The following DUSP8 variants were observed in gnomAD, a reference collection of about 807,000 sequenced individuals.
The protein encoded by DUSP8 is dual specificity phosphatase 8, also known as dual specificity protein phosphatase 8.
In DUSP8, 15 loss-of-function variants were observed where a neutral mutation model predicts 38.7. The ratio of observed to expected loss-of-function variants is 0.39; its 90% CI spans 0.26 to 0.60. The LOEUF (loss-of-function observed/expected upper bound fraction) is 0.60, where lower values mean the gene tolerates loss of function less well. Ranked by LOEUF, DUSP8 falls within the 20% of genes least tolerant of loss-of-function variation. The pLI is 0.56. For missense variants in DUSP8, 768 were observed against 915.0 expected (o/e 0.84, Z 2.07); for synonymous variants, 458 against 433.9 (o/e 1.06, Z -0.69).
Position 1,557,966 on chromosome 11 carries a change from T to C in DUSP8, c.698-49A>G, listed in dbSNP as rs1438393930. On this transcript the variant is annotated intron_variant, in intron 5 of 6. Coordinates refer to ENST00000397374, the MANE Select transcript of DUSP8 (RefSeq NM_004420.3). This position sits in a 1 kb window ranked among gnomAD's most constrained non-coding sequence, Gnocchi z 9.9. ...CAGGTGAGGGCTAAGACTGCACAGC[T>C]TCTCCCTGGCCCAGGTAGGGGACCC... The C allele has an allele frequency of 1.9e-6, 3 of 1,612,450 alleles. No individual in the cohort carries two copies. Among genetic ancestry groups the C allele is most frequent in the East Asian group, 2.2e-5 (1 of 44,848 alleles).
chr11:1,559,282 T>G, intron 3 of DUSP8: 1 of 481,446 alleles, frequency 2.1e-6, no homozygotes. Context: ...TACGCCCACA[T>G]TCCTCCTCAT....
upstream of DUSP8, chr11:1,572,758 T>G (rs1260811503): frequency 6.6e-6 from 1 of 151,946 alleles, no homozygotes; most frequent in Non-Finnish European, 1.5e-5. The surrounding 1 kb of genome is among the most constrained non-coding windows in gnomAD (Gnocchi z 4.7). Context: ...GGCGCGGCGT[T>G]TTACCTGCAG....
intron 1 of DUSP8, among the ~76,000 whole-genome samples, chr11:1,569,519 C>G (rs1487350399): frequency 6.6e-6 from 1 of 152,138 alleles, no homozygotes; most frequent in Admixed American, 6.5e-5. Flanking sequence ...AGTACACGCA[C>G]GTCCTTGCCC....
In DUSP8 at chr11:1,557,024, G is replaced by A. The variant is rs1848639911; in HGVS notation, c.1372C>T (p.Arg458Trp). ...CGCGCGGGGGAGCCGGCGGGGGGCCGGGGCCGCCGGCGGGGCCGTGGGCGC... is the reference window on the plus strand; with the variant it reads ...CGCGCGGGGGAGCCGGCGGGGGGCCAGGGCCGCCGGCGGGGCCGTGGGCGC... ...EARPRPRRRP[R>W]PPAGSPARSP... The change falls in exon 7 of 7, where the codon CGG (arginine) becomes TGG (tryptophan). Residue 458 changes from arginine to tryptophan, a missense_variant. By Grantham distance (101) the Arg-to-Trp change is moderately radical (BLOSUM62 -3). Transcript: ENST00000397374. The surrounding 1 kb of genome is among the most constrained non-coding windows in gnomAD (Gnocchi z 9.9). 5 of 1,043,158 alleles carry A rather than the reference G, an allele frequency of 4.8e-6. No homozygotes were observed. The highest frequency in any genetic ancestry group is 3.4e-5 in the African/African-American group (2 of 57,976). The allele number at this position is 1,043,158 out of a possible 1,614,324, so 64.6% of individuals were successfully genotyped here. A position where few individuals can be genotyped will look rare whatever the true frequency, so the allele number is the denominator to read the frequency against.
rs1397034259 is a variant in DUSP8, at chr11:1,557,324, G to T, written c.1072C>A (p.Pro358Thr). The T allele has an allele frequency of 3.3e-6, 5 of 1,500,052 alleles. No homozygotes were observed. The highest frequency in any genetic ancestry group is 2.9e-5 in the African/African-American group (2 of 68,372). The allele number at this position is 1,500,052 out of a possible 1,614,324, so 92.9% of individuals were successfully genotyped here. The change falls in exon 7 of 7, where the codon CCC becomes ACC. Residue 358 changes from proline to threonine, a missense_variant. Around this residue, in one of 3 missense-constraint regions of DUSP8, gnomAD observed 474 missense variants for 430.8 expected, o/e 1.10. Transcript: ENST00000397374. The surrounding 1 kb of genome is among the most constrained non-coding windows in gnomAD (Gnocchi z 9.9). Reference protein sequence around the residue: ...REGGLSAGGEPPAPPTPPATS... With the variant: ...REGGLSAGGETPAPPTPPATS... ...GCCGGGGGCGTGGGGGGCGCGGGGGGCTCCCCGCCCGCGCTCAGGCCGCCC... is the reference window on the plus strand; with the variant it reads ...GCCGGGGGCGTGGGGGGCGCGGGGGTCTCCCCGCCCGCGCTCAGGCCGCCC...
rs1848634406 is a variant in DUSP8 at position 1,556,871 on chromosome 11, C to G, written c.1525G>C (p.Ala509Pro). 8.9e-7 allele frequency: 1 copy of G among 1,119,702 alleles called. No homozygotes were observed. The highest frequency in any genetic ancestry group is 5.0e-5 in the Admixed American group (1 of 19,890). 69.4% of individuals were successfully genotyped at this position (1,119,702 alleles called of 1,614,324 possible). A position where few individuals can be genotyped will look rare whatever the true frequency, so the allele number is the denominator to read the frequency against. ...GTGCCTGGGGAGTCGAGCGGCGGTG[C>G]CCAGGCCCCGGGGCCGGCCGGCTGG... ...PGQPAGPGAW[A>P]PPLDSPGTPS... Residue 509 changes from alanine to proline, a missense_variant, in exon 7 of 7, where the codon GCA becomes CCA. Transcript: ENST00000397374. The surrounding 1 kb of genome is among the most constrained non-coding windows in gnomAD (Gnocchi z 5.2).
At position 1,559,015 on chromosome 11, in the gene DUSP8, G is replaced by A. The variant is rs1231146977; in HGVS notation, c.411C>T (p.Cys137=). The change falls in exon 4 of 7, where the codon TGC becomes TGT. Residue 137 remains cysteine, a synonymous_variant. Coordinates refer to ENST00000397374, the MANE Select transcript of DUSP8 (RefSeq NM_004420.3). ...ATFSSCFPGL[C]EGKPAALLPM... ...GTAGCAGGGCAGCAGGCTTGCCCTC[G>A]CAGAGGCCGGGGAAGCAGGAGGAGA... 21 of 1,610,440 alleles carry A rather than the reference G, an allele frequency of 1.3e-5. No individual in the cohort carries two copies. Among genetic ancestry groups the A allele is most frequent in the African/African-American group, 2.7e-5 (2 of 74,714 alleles).
At position 1,557,080 on chromosome 11, in the gene DUSP8, C is replaced by G; in HGVS notation, c.1316G>C (p.Ser439Thr). The G allele has an allele frequency of 5.5e-6, 7 of 1,273,326 alleles. No individual in the cohort carries two copies. The highest frequency in any genetic ancestry group is 3.5e-5 in the East Asian group (1 of 28,824). 78.9% of individuals were successfully genotyped at this position (1,273,326 alleles called of 1,614,324 possible). Reference protein sequence around the residue: ...SGAALGLSSPSPDSPDAAPEA... With the variant: ...SGAALGLSSPTPDSPDAAPEA... ...AGGCGCGGCGTCCGGGCTGTCCGGG[C>G]TGGGCGAGGACAGGCCCAGCGCGGC... The change falls in exon 7 of 7, where the codon AGC (serine) becomes ACC (threonine). Residue 439 changes from serine to threonine, a missense_variant. Physicochemically the swap from Ser to Thr is moderately conservative, Grantham distance 58. Transcript: ENST00000397374. The surrounding 1 kb of genome is among the most constrained non-coding windows in gnomAD (Gnocchi z 9.9).
At position 1,558,069 on chromosome 11, in the gene DUSP8, T is replaced by G. The variant is rs1408327254; in HGVS notation, c.697+43A>C. 1.9e-6 allele frequency: 3 copies of G among 1,611,486 alleles called. No individual in the cohort carries two copies. The highest frequency in any genetic ancestry group is 2.5e-6 in the Non-Finnish European group (3 of 1,179,688). On this transcript the variant is annotated intron_variant, in intron 5 of 6. Transcript: ENST00000397374. This position sits in a 1 kb window ranked among gnomAD's most constrained non-coding sequence, Gnocchi z 6.3. The stretch of plus-strand genomic sequence containing the variant: ...TCTGTGGCCACACACAGCTCTAGCC[T>G]TCCTCTAGCCAGGTCCCTGCCCTCC...
chr11:1,554,553 G>A lies in DUSP8; in HGVS notation c.*1965C>T. On this transcript the variant is annotated 3_prime_UTR_variant, in exon 7 of 7. Coordinates refer to ENST00000397374, the MANE Select transcript of DUSP8 (RefSeq NM_004420.3). ...CCCCCTGCTGGCTGCTCACTTTGCGGTAACCAGTGCCTCAAGAGTGGGAGC... is the reference window on the plus strand; with the variant it reads ...CCCCCTGCTGGCTGCTCACTTTGCGATAACCAGTGCCTCAAGAGTGGGAGC... The A allele has an allele frequency of 1.7e-5, 13 of 778,208 alleles. No homozygotes were observed. The highest frequency in any genetic ancestry group is 2.0e-5 in the Non-Finnish European group (13 of 638,332). The allele number at this position is 778,208 out of a possible 1,614,324, so 48.2% of individuals were successfully genotyped here.
At position 1,572,206 on chromosome 11, in the gene DUSP8, G is replaced by T. The variant is rs1207895261; in HGVS notation, c.-414C>A. On this transcript the variant is annotated 5_prime_UTR_variant, in exon 1 of 7. Transcript: ENST00000397374. This position sits in a 1 kb window ranked among gnomAD's most constrained non-coding sequence, Gnocchi z 4.7. ...CGGGCTCGGGCTCGGGCTCGGGCTC[G>T]GGCGTCCGGCGTCCGGCGGGGCGTC... Among the ~76,000 whole-genome samples, 1 of 145,332 alleles carries T rather than the reference G, an allele frequency of 6.9e-6. No homozygotes were observed. Among genetic ancestry groups the T allele is most frequent in the Non-Finnish European group, 1.5e-5 (1 of 65,494 alleles).
Position 1,572,186 on chromosome 11 carries a change from TC to T in DUSP8, c.-395del, listed in dbSNP as rs1848914427. Reference sequence around the variant, plus strand: ...CGGGAGGTTCCGGCGCGGCTCGGGCTCGGGCTCGGGCTCGGGCTCGGGCGTC... The same window carrying T: ...CGGGAGGTTCCGGCGCGGCTCGGGCTGGGCTCGGGCTCGGGCTCGGGCGTC... On this transcript the variant is annotated 5_prime_UTR_variant, in exon 1 of 7. Transcript: ENST00000397374. This position sits in a 1 kb window ranked among gnomAD's most constrained non-coding sequence, Gnocchi z 4.7. Among the ~76,000 whole-genome samples, 1 of 142,492 alleles carries T rather than the reference TC, an allele frequency of 7.0e-6. No homozygotes were observed. Among genetic ancestry groups the T allele is most frequent in the Admixed American group, 6.9e-5 (1 of 14,430 alleles). The allele number at this position is 142,492 out of a possible 152,430, so 93.5% of individuals were successfully genotyped here.
chr11:1,566,463 C>G (rs1848806174), intron 1 of DUSP8, among the ~76,000 whole-genome samples: 1 of 152,184 alleles, frequency 6.6e-6, no homozygotes. Context: ...AGCCGATAAT[C>G]CAGCCCCTGG....
chr11:1,555,442 G>A lies in DUSP8; in HGVS notation c.*1076C>T. ...ACCTGCTCACAGAGCCCCTCAGCCT[G>A]CAGGTGCACACCTGAATTCCAAGTT... is the stretch of plus-strand genomic sequence containing the variant. On this transcript the variant is annotated 3_prime_UTR_variant, in exon 7 of 7. Transcript: ENST00000397374. 1.0e-6 allele frequency: 1 copy of A among 986,136 alleles called. No homozygotes were observed. Among genetic ancestry groups the A allele is most frequent in the Non-Finnish European group, 1.2e-6 (1 of 829,870 alleles). The allele number at this position is 986,136 out of a possible 1,614,324, so 61.1% of individuals were successfully genotyped here. A position where few individuals can be genotyped will look rare whatever the true frequency, so the allele number is the denominator to read the frequency against.
chr11:1,556,745 C>T lies in DUSP8; in HGVS notation c.1651G>A (p.Gly551Ser). The change falls in exon 7 of 7, where the codon GGC becomes AGC. Residue 551 changes from glycine to serine, a missense_variant. This residue lies in a region of DUSP8 where 474 missense variants were observed against 430.8 expected (regional missense o/e 1.10). Coordinates refer to ENST00000397374, the MANE Select transcript of DUSP8 (RefSeq NM_004420.3). The surrounding 1 kb of genome is among the most constrained non-coding windows in gnomAD (Gnocchi z 5.2). Reference sequence around the variant, plus strand: ...CGCCGCCGCAGGTCGCTGCCGCCGCCTGGTCCCGGGGCGCCCGCCCGGCCG... The same window carrying T: ...CGCCGCCGCAGGTCGCTGCCGCCGCTTGGTCCCGGGGCGCCCGCCCGGCCG... ...PFGRAGAPGP[G>S]GGSDLRRREA... is the part of the protein sequence containing the mutation. 8.2e-7 allele frequency: 1 copy of T among 1,219,458 alleles called. No individual in the cohort carries two copies. The allele number at this position is 1,219,458 out of a possible 1,614,324, so 75.5% of individuals were successfully genotyped here. A position where few individuals can be genotyped will look rare whatever the true frequency, so the allele number is the denominator to read the frequency against.
At chr11:1,565,511 A>T in intron 2 of DUSP8, 85 bp downstream of exon 2, 1 of 1,095,612 alleles carries the variant, frequency 9.1e-7, no homozygotes, top group Non-Finnish European at 1.3e-6. Context: ...TGGAAGGCAG[A>T]GGAGGGGGGT....
At chr11:1,562,137 C>T (rs533078748) in intron 3 of DUSP8, among the ~76,000 whole-genome samples, 9 of 152,254 alleles carry the variant, frequency 5.9e-5, no homozygotes, top group East Asian at 3.9e-4. Context: ...TACTCATCCA[C>T]GCCCACCTGC....
In DUSP8 at chr11:1,565,883, A is replaced by C; in HGVS notation, c.-57T>G. On this transcript the variant is annotated 5_prime_UTR_variant, in exon 2 of 7. Transcript: ENST00000397374. The stretch of plus-strand genomic sequence containing the variant: ...CCTGAAGTGAGGAGGGGCTGCTCCG[A>C]CGGCCCAGGTGTGGCCTCGCGCTGG... 6.8e-7 allele frequency: 1 copy of C among 1,472,024 alleles called. No individual in the cohort carries two copies. Among genetic ancestry groups the C allele is most frequent in the Non-Finnish European group, 9.4e-7 (1 of 1,058,430 alleles). The allele number at this position is 1,472,024 out of a possible 1,614,324, so 91.2% of individuals were successfully genotyped here. A position where few individuals can be genotyped will look rare whatever the true frequency, so the allele number is the denominator to read the frequency against.
chr11:1,568,472 T>C (rs1042307001), intron 1 of DUSP8, among the ~76,000 whole-genome samples: 1 of 152,124 alleles, frequency 6.6e-6, no homozygotes, highest in African/African-American at 2.4e-5. Context: ...CACAATAGTA[T>C]TGTTATTTGC....
Sources: allele counts gnomAD v4.1 joint callset (sites outside exome capture counted in the v4.1 genomes callset), GRCh38; gene constraint gnomAD v4.1.1; regional missense constraint gnomAD v4.1.1; non-coding constraint Gnocchi (gnomAD v3.1); transcripts MANE v1.5; gene names NCBI Gene and HGNC (gene_info 2026-07-23, HGNC 2026-07-21).